BBS5: variants seen among roughly 807,000 people sequenced by gnomAD.
BBS5 encodes Bardet-Biedl syndrome 5.
A neutral mutation model predicts 50.2 loss-of-function variants in BBS5; 39 were observed. The observed-to-expected ratio is 0.78, with a 90% confidence interval of 0.60 to 1.01. The LOEUF (loss-of-function observed/expected upper bound fraction) is 1.01, where lower values mean the gene tolerates loss of function less well. Among genes scored for constraint, BBS5 ranks in the 50% least tolerant of loss-of-function variants. The pLI, the probability that BBS5 is intolerant of heterozygous loss-of-function variation, is 0.00. For synonymous variants in BBS5, 134 were observed against 133.1 expected, an observed-to-expected ratio of 1.01 and a Z score of -0.05; for missense variants, 356 against 401.5, an observed-to-expected ratio of 0.89 and a Z score of 0.97.
At position 169,504,658 on chromosome 2, in the gene BBS5, G is replaced by A. The variant is rs1683869702; in HGVS notation, c.*76G>A. On this transcript the variant is annotated 3_prime_UTR_variant, in exon 12 of 12. Transcript: ENST00000295240. Reference sequence around the variant, plus strand: ...ATACTAGTCACCTGCCATAAGTCATGGAATAGTTTTTATATTTACAGCTTT... The same window carrying A: ...ATACTAGTCACCTGCCATAAGTCATAGAATAGTTTTTATATTTACAGCTTT... 2 of 1,239,958 alleles carry A rather than the reference G, an allele frequency of 1.6e-6. No homozygotes were observed. The highest frequency in any genetic ancestry group is 3.0e-5 in the African/African-American group (2 of 66,778). The allele number at this position is 1,239,958 out of a possible 1,614,324, so 76.8% of individuals were successfully genotyped here. A position where few individuals can be genotyped will look rare whatever the true frequency, so the allele number is the denominator to read the frequency against.
Position 169,506,508 on chromosome 2 carries a change from A to G in BBS5, c.*1926A>G, listed in dbSNP as rs1427122944. On this transcript the variant is annotated 3_prime_UTR_variant, in exon 12 of 12. Transcript: ENST00000295240. The stretch of plus-strand genomic sequence containing the variant: ...AGTATAATAAAAAAAAAAAAACTTC[A>G]GTTTTCTAAAAATTATATTTAAAAT... 1 of 152,678 alleles carries G rather than the reference A, an allele frequency of 6.5e-6. No homozygotes were observed. The allele number at this position is 152,678 out of a possible 1,614,324, so 9.5% of individuals were successfully genotyped here. A position where few individuals can be genotyped will look rare whatever the true frequency, so the allele number is the denominator to read the frequency against.
At position 169,487,102 on chromosome 2, in the gene BBS5, G is replaced by A. The variant is rs1467957953; in HGVS notation, c.176G>A (p.Trp59Ter). The change falls in exon 3 of 12, where the codon TGG becomes TAG. Residue 59 changes from tryptophan (W) to a stop codon, truncating the protein, a stop_gained. Coordinates refer to ENST00000295240, the MANE Select transcript of BBS5 (RefSeq NM_152384.3). LOFTEE classifies it high-confidence loss of function. ...RLLVTNLRIL[W>*]HSLALSRVNV... is the part of the protein sequence containing the mutation. ...TTGGTAACAAATTTAAGAATTCTCT[G>A]GCACTCTTTGGCATTATCAAGAGTC... 6.2e-7 allele frequency: 1 copy of A among 1,611,482 alleles called. No individual in the cohort carries two copies. The highest frequency in any genetic ancestry group is 8.5e-7 in the Non-Finnish European group (1 of 1,178,228).
chr2:169,487,197 T>A (rs1053384271), intron 3 of BBS5, 63 bp downstream of exon 3: 18 of 1,053,144 alleles, frequency 1.7e-5, no homozygotes, highest in Admixed American at 6.8e-5. Context: ...ATTTGCATGG[T>A]GCCTTTGATA....
At chr2:169,493,453 A>G (rs1009849974) in intron 6 of BBS5, among the ~76,000 whole-genome samples, 1 of 152,216 alleles carries the variant, frequency 6.6e-6, no homozygotes, top group African/African-American at 2.4e-5. Context: ...ATTGATTTAC[A>G]TGGGATATTT....
intron 8 of BBS5, chr2:169,499,270 G>C (rs774360469): frequency 2.0e-6 from 1 of 509,970 alleles, no homozygotes; most frequent in Non-Finnish European, 3.5e-6. Flanking sequence ...ACATGTTGCT[G>C]CTTCTTGAAG....
chr2:169,480,335 T>A (rs77607489), intron 1 of BBS5, among the ~76,000 whole-genome samples: 5,758 of 152,246 alleles, frequency 0.038, 144 homozygotes, highest in East Asian at 0.1. Flanking sequence ...GCCGGTTGGG[T>A]TACTAAGTGT....
At chr2:169,498,635 C>A (rs1310575499) in intron 8 of BBS5, among the ~76,000 whole-genome samples, 2 of 151,842 alleles carry the variant, frequency 1.3e-5, no homozygotes, top group Non-Finnish European at 2.9e-5. Flanking sequence ...GAAACCCTGT[C>A]TCTACTAAAA....
intron 1 of BBS5, among the ~76,000 whole-genome samples, chr2:169,480,055 G>T (rs566084323): frequency 6.6e-6 from 1 of 152,326 alleles, no homozygotes; most frequent in South Asian, 2.1e-4. Flanking sequence ...CCCTTGAGCA[G>T]ATGTCTTCAT....
chr2:169,498,469 C>T (rs1248393871), intron 8 of BBS5, among the ~76,000 whole-genome samples: 1 of 152,018 alleles, frequency 6.6e-6, no homozygotes, highest in Admixed American at 6.6e-5. Flanking sequence ...ATATGTTTAT[C>T]TTATTTTATA....
At chr2:169,497,594 C>T in intron 7 of BBS5, 33 bp from the exon 8 acceptor site, 1 of 1,307,630 alleles carries the variant, frequency 7.6e-7, no homozygotes. Flanking sequence ...TTAATAAAAA[C>T]TTGCATGTTT....
chr2:169,479,577 G>C lies in BBS5; in HGVS notation c.24G>C (p.Trp8Cys), dbSNP rs373396081. MSVLDAL[W>C]EDRDVRFDLS... Reference sequence around the variant, plus strand: ...CCATGTCGGTGCTGGATGCGCTTTGGGAGGATCGGGATGTCCGTTTCGACC... The same window carrying C: ...CCATGTCGGTGCTGGATGCGCTTTGCGAGGATCGGGATGTCCGTTTCGACC... The change falls in exon 1 of 12, where the codon TGG (tryptophan) becomes TGC (cysteine). Residue 8 changes from tryptophan (W) to cysteine (C), a missense_variant. Transcript: ENST00000295240. 1.2e-6 allele frequency: 2 copies of C among 1,614,170 alleles called. No homozygotes were observed. Among genetic ancestry groups the C allele is most frequent in the Non-Finnish European group, 1.7e-6 (2 of 1,180,004 alleles).
intron 7 of BBS5, among the ~76,000 whole-genome samples, chr2:169,495,424 T>C (rs2105299082): frequency 6.6e-6 from 1 of 152,342 alleles, no homozygotes; most frequent in East Asian, 1.9e-4. Flanking sequence ...TTGTCAAATA[T>C]GGCGTCTGGA....
chr2:169,479,537 C>A lies in BBS5; in HGVS notation c.-17C>A, dbSNP rs745540967. The stretch of plus-strand genomic sequence containing the variant: ...CTGCACGGCTGTGGAGAGATCCTGC[C>A]ACGGGCCTTGTTCACCATGTCGGTG... On this transcript the variant is annotated 5_prime_UTR_variant, in exon 1 of 12. Coordinates refer to ENST00000295240, the MANE Select transcript of BBS5 (RefSeq NM_152384.3). 5 of 1,614,022 alleles carry A rather than the reference C, an allele frequency of 3.1e-6. No individual in the cohort carries two copies. Among genetic ancestry groups the A allele is most frequent in the Admixed American group, 3.3e-5 (2 of 60,014 alleles).
intron 5 of BBS5, among the ~76,000 whole-genome samples, chr2:169,489,417 C>T (rs574163497): frequency 1.3e-5 from 2 of 151,458 alleles, no homozygotes; most frequent in Admixed American, 6.6e-5. Flanking sequence ...GAGCTGAGAT[C>T]GCCGCACTGC....
intron 6 of BBS5, 112 bp from the exon 7 acceptor site, chr2:169,493,629 T>C (rs755324592): frequency 2.6e-6 from 2 of 764,754 alleles, no homozygotes; most frequent in Non-Finnish European, 4.7e-6. Flanking sequence ...AAGTCATTGA[T>C]ACTCAATTTT....
At chr2:169,502,808 A>G (rs947505691) in intron 9 of BBS5, among the ~76,000 whole-genome samples, 4 of 152,222 alleles carry the variant, frequency 2.6e-5, no homozygotes, top group Admixed American at 6.5e-5. Flanking sequence ...AATAATGTGA[A>G]AGAAATGTGA....
At chr2:169,498,988 C>T (rs1319935777) in intron 8 of BBS5, 1 of 165,980 alleles carries the variant, frequency 6.0e-6, no homozygotes, top group Non-Finnish European at 1.3e-5. Flanking sequence ...AACACTGTAT[C>T]ATGGCCCAGT....
At chr2:169,480,613 G>C (rs1444425695) in intron 1 of BBS5, among the ~76,000 whole-genome samples, 2 of 147,968 alleles carry the variant, frequency 1.4e-5, no homozygotes, top group Non-Finnish European at 3.0e-5. Flanking sequence ...AAAGGAATTC[G>C]TAAAATTACG....
intron 2 of BBS5, among the ~76,000 whole-genome samples, chr2:169,484,685 CA>C (rs1683459685): frequency 6.6e-6 from 1 of 152,128 alleles, no homozygotes. Flanking sequence ...GCACACTGCC[CA>C]TAGCTCATAG....
Sources: gnomAD v4.1 joint callset for allele counts (sites outside exome capture counted in the v4.1 genomes callset) on GRCh38, gnomAD v4.1.1 for gene constraint, MANE v1.5 for transcripts, NCBI Gene and HGNC (gene_info 2026-07-23, HGNC 2026-07-21) for gene names.